LRRC28: variants seen among roughly 807,000 people sequenced by gnomAD.
LRRC28 encodes leucine-rich repeat-containing protein 28.
In LRRC28, 39 loss-of-function variants were observed where a neutral mutation model predicts 45.7. The ratio of observed to expected loss-of-function variants is 0.85; its 90% CI spans 0.66 to 1.12. The LOEUF is 1.12. LRRC28 is among the 50% of genes most tolerant of loss of function. The pLI is 0.00. For synonymous variants in LRRC28, 206 were observed against 178.8 expected (o/e 1.15, Z -1.22); for missense variants, 435 against 438.5 (o/e 0.99, Z 0.07).
At chr15:99,332,942 A>G (rs1956205571) in intron 5 of LRRC28, among the ~76,000 whole-genome samples, 3 of 152,210 alleles carry the variant, frequency 2.0e-5, no homozygotes, top group Non-Finnish European at 4.4e-5. Flanking sequence ...ACCTTAACCT[A>G]GGAGGAATGA....
chr15:99,332,085 GTTCTTT>G (rs1225065950), intron 5 of LRRC28: 1 of 152,100 alleles, frequency 6.6e-6, no homozygotes, highest in Non-Finnish European at 1.5e-5. Context: ...TTTAAATTTA[GTTCTTT>G]TTCTTTTTTC....
Position 99,386,361 on chromosome 15 carries a change from G to T in LRRC28, c.*259G>T, listed in dbSNP as rs371134191. ...GTCTTTTACAGAAACCATTTAGATT[G>T]ATGGGCCTCCCCAAATCTAATTTAA... On this transcript the variant is annotated 3_prime_UTR_variant, in exon 10 of 10. Transcript: ENST00000301981. The T allele has an allele frequency of 2.6e-6, 1 of 385,132 alleles. No individual in the cohort carries two copies. The highest frequency in any genetic ancestry group is 4.6e-6 in the Non-Finnish European group (1 of 215,242). 23.9% of individuals were successfully genotyped at this position (385,132 alleles called of 1,614,324 possible). A position where few individuals can be genotyped will look rare whatever the true frequency, so the allele number is the denominator to read the frequency against.
At chr15:99,307,748 CA>C (rs1955240349) in intron 5 of LRRC28, among the ~76,000 whole-genome samples, 1 of 152,212 alleles carries the variant, frequency 6.6e-6, no homozygotes, top group Non-Finnish European at 1.5e-5. Context: ...TTCCAACACT[CA>C]TCTCAGTTTT....
chr15:99,366,836 G>T (rs1043797559), intron 9 of LRRC28, among the ~76,000 whole-genome samples: 7 of 152,000 alleles, frequency 4.6e-5, no homozygotes, highest in African/African-American at 1.7e-4. Flanking sequence ...AATTTTGGGG[G>T]CTATACAATT....
intron 9 of LRRC28, among the ~76,000 whole-genome samples, chr15:99,378,464 A>G (rs1436186670): frequency 1.3e-5 from 2 of 152,240 alleles, no homozygotes; most frequent in Non-Finnish European, 2.9e-5. Context: ...TTTTCTAAAT[A>G]TACAATCATG....
intron 2 of LRRC28, among the ~76,000 whole-genome samples, chr15:99,271,989 T>C (rs1331693240): frequency 6.6e-6 from 1 of 152,248 alleles, no homozygotes; most frequent in Non-Finnish European, 1.5e-5. Flanking sequence ...TTTACTCCTA[T>C]GTTTTCTTCT....
chr15:99,297,584 A>G (rs1461241247), intron 5 of LRRC28, among the ~76,000 whole-genome samples: 1 of 151,804 alleles, frequency 6.6e-6, no homozygotes, highest in Non-Finnish European at 1.5e-5. Context: ...TCCTAGACCT[A>G]AAGTTACTTT....
rs181103436 is a variant in LRRC28 at position 99,359,833 on chromosome 15, C to T, written c.696-1503C>T. On this transcript the variant is annotated intron_variant, in intron 7 of 9. Coordinates refer to ENST00000301981, the MANE Select transcript of LRRC28 (RefSeq NM_144598.5). ...GCATAAAAGATTATGTGAACAAAATCGCATTTCAGAATTATTTGCTTTAGG... is the reference window on the plus strand; with the variant it reads ...GCATAAAAGATTATGTGAACAAAATTGCATTTCAGAATTATTTGCTTTAGG... Among the ~76,000 whole-genome samples the T allele has an allele frequency of 1.6e-4, 25 of 152,250 alleles. No homozygotes were observed. The East Asian group carries it at 4.4e-3, about 27-fold the overall frequency.
chr15:99,352,529 G>A lies in LRRC28; in HGVS notation c.695+58G>A. The A allele has an allele frequency of 2.9e-6, 4 of 1,381,764 alleles. No homozygotes were observed. In the Admixed American group the frequency reaches 7.0e-5, roughly 24 times the overall value. The allele number at this position is 1,381,764 out of a possible 1,614,324, so 85.6% of individuals were successfully genotyped here. A position where few individuals can be genotyped will look rare whatever the true frequency, so the allele number is the denominator to read the frequency against. ...TAGATTAACTACTTTTGGTACTTCT[G>A]TTCAATTTTGTCTTTGCCCTTGATG... On this transcript the variant is annotated intron_variant, in intron 7 of 9. Coordinates refer to ENST00000301981, the MANE Select transcript of LRRC28 (RefSeq NM_144598.5).
At chr15:99,290,990 C>T (rs563536751) in intron 5 of LRRC28, among the ~76,000 whole-genome samples, 1 of 152,070 alleles carries the variant, frequency 6.6e-6, no homozygotes, top group Admixed American at 6.6e-5. Context: ...AAAAACAATT[C>T]TGTGATAAAC....
At chr15:99,379,008 T>G (rs1957732411) in intron 9 of LRRC28, among the ~76,000 whole-genome samples, 1 of 147,406 alleles carries the variant, frequency 6.8e-6, no homozygotes, top group Admixed American at 6.7e-5. Flanking sequence ...TCTCTTTTTT[T>G]GTTGTGTCTC....
intron 5 of LRRC28, among the ~76,000 whole-genome samples, chr15:99,302,391 G>GT (rs901136337): frequency 1.1e-3 from 172 of 149,660 alleles, no homozygotes; most frequent in African/African-American, 3.9e-3. Context: ...TTTTGTTTTT[G>GT]TTTTTTTTGA....
At chr15:99,291,957 T>C (rs942147020) in intron 5 of LRRC28, among the ~76,000 whole-genome samples, 2 of 152,238 alleles carry the variant, frequency 1.3e-5, no homozygotes, top group African/African-American at 4.8e-5. Flanking sequence ...CATGTATTTA[T>C]GGGCTATTCC....
At chr15:99,324,589 G>T (rs1955908528) in intron 5 of LRRC28, among the ~76,000 whole-genome samples, 1 of 151,976 alleles carries the variant, frequency 6.6e-6, no homozygotes, top group Non-Finnish European at 1.5e-5. Context: ...GATTTAAAGG[G>T]GACTTACTGT....
In LRRC28 at chr15:99,287,857, C is replaced by T; in HGVS notation, c.291C>T (p.Asp97=). 6.2e-7 allele frequency: 1 copy of T among 1,613,682 alleles called. No homozygotes were observed. Among genetic ancestry groups the T allele is most frequent in the Non-Finnish European group, 8.5e-7 (1 of 1,179,772 alleles). ...LVKLQCLDLS[D]NALEIVCPEI... is the part of the protein sequence containing the mutation. The stretch of plus-strand genomic sequence containing the variant: ...AACTCCAATGTCTGGATCTTAGTGA[C>T]AATGCCTTAGAAATTGTTTGCCCAG... The change falls in exon 5 of 10, where the codon GAC becomes GAT. Residue 97 remains aspartate, a synonymous_variant. Coordinates refer to ENST00000301981, the MANE Select transcript of LRRC28 (RefSeq NM_144598.5).
chr15:99,273,126 A>T (rs1443880973), intron 2 of LRRC28, among the ~76,000 whole-genome samples: 2 of 152,238 alleles, frequency 1.3e-5, no homozygotes, highest in Non-Finnish European at 2.9e-5. Context: ...ATTAGAAAAC[A>T]GAGAGTGATA....
In LRRC28 at chr15:99,331,448, A is replaced by G. The variant is rs112473854; in HGVS notation, c.386-2475A>G. Among the ~76,000 whole-genome samples the G allele has an allele frequency of 2.4e-3, 369 of 152,192 alleles. 2 individuals are homozygous for G. The highest frequency in any genetic ancestry group is 4.1e-3 in the Admixed American group (63 of 15,284). On this transcript the variant is annotated intron_variant, in intron 5 of 9. Coordinates refer to ENST00000301981, the MANE Select transcript of LRRC28 (RefSeq NM_144598.5). ...CCTACCTCATGCTTCTGTTAAAAGT[A>G]CCTCTGGAATTTGTCTTCAAATTCT...
At chr15:99,303,759 G>A (rs1304987283) in intron 5 of LRRC28, among the ~76,000 whole-genome samples, 6 of 152,056 alleles carry the variant, frequency 3.9e-5, no homozygotes, top group African/African-American at 7.2e-5. Context: ...GCATGAATCC[G>A]GGAGGTGGAG....
At chr15:99,301,246 T>A (rs920397403) in intron 5 of LRRC28, among the ~76,000 whole-genome samples, 1 of 152,258 alleles carries the variant, frequency 6.6e-6, no homozygotes, top group Non-Finnish European at 1.5e-5. Flanking sequence ...AAATATAGAC[T>A]ATAGAATACT....
Sources: allele counts gnomAD v4.1 joint callset (sites outside exome capture counted in the v4.1 genomes callset), GRCh38; gene constraint gnomAD v4.1.1; transcripts MANE v1.5; gene names NCBI Gene and HGNC (gene_info 2026-07-23, HGNC 2026-07-21).